Variants in CAPN6 observed in about 807,000 individuals in gnomAD.
CAPN6 encodes calpain 6, also known as calpain-6.
In CAPN6, 16 loss-of-function variants were observed where a neutral mutation model predicts 46.0. That is an observed-to-expected ratio of 0.35 (90% CI 0.24 to 0.53). The LOEUF (loss-of-function observed/expected upper bound fraction) is 0.53. Ranked by LOEUF, CAPN6 falls within the 20% of genes least tolerant of loss-of-function variation. CAPN6 has a pLI of 0.94. For missense variants in CAPN6, 461 were observed against 498.0 expected (o/e 0.93, Z 0.71); for synonymous variants, 206 against 172.8 (o/e 1.19, Z -1.51).
In CAPN6 at chrX:111,248,597, T is replaced by C. The variant is rs1436181484; in HGVS notation, c.1456A>G (p.Ile486Val). ...AGCTGGACAGGCACTTCAGAGAAGA[T>C]TCTCAGGAGAAACTCGCTGGTGCGA... ...HGRTSEFLLR[I>V]FSEVPVQLRE... Residue 486 changes from isoleucine to valine, a missense_variant, in exon 10 of 13, where the codon ATC (isoleucine) becomes GTC (valine). By Grantham distance (29) the Ile-to-Val change is conservative (BLOSUM62 3). Transcript: ENST00000324068. 8.3e-7 allele frequency: 1 copy of C among 1,209,320 alleles called. No individual in the cohort carries two copies. The highest frequency in any genetic ancestry group is 2.2e-5 in the Admixed American group (1 of 46,012).
At chrX:111,249,181 T>A in intron 8 of CAPN6, 124 bp from the exon 9 acceptor site, 1 of 728,996 alleles carries the variant, frequency 1.4e-6, no homozygotes, top group Non-Finnish European at 2.0e-6. Context: ...TGGGCTTTCA[T>A]ATTTATCAGA....
chrX:111,254,182 T>C, intron 3 of CAPN6, 90 bp downstream of exon 3: 1 of 1,020,295 alleles, frequency 9.8e-7, no homozygotes, highest in Non-Finnish European at 1.3e-6. Context: ...TACAACAATC[T>C]AAGGAAGTTA....
Position 111,264,707 on chromosome X carries a change from TA to T in CAPN6, c.-15-757del, listed in dbSNP as rs68122134. ...CAATACACTCTTGCTTTCTTTTCTT[TA>T]AAAAAAAAAAAAGGAGGAAAAACAA... On this transcript the variant is annotated intron_variant, in intron 1 of 12. Transcript: ENST00000324068. Among the ~76,000 whole-genome samples, 439 of 99,535 alleles carry T rather than the reference TA, an allele frequency of 4.4e-3. 5 individuals are homozygous for T. The East Asian group carries it at 0.064, about 15-fold the overall frequency. The allele number at this position is 99,535 out of a possible 115,157, so 86.4% of individuals were successfully genotyped here. A position where few individuals can be genotyped will look rare whatever the true frequency, so the allele number is the denominator to read the frequency against.
chrX:111,247,081 G>C (rs1417778792), intron 12 of CAPN6, among the ~76,000 whole-genome samples: 1 of 111,401 alleles, frequency 9.0e-6, no homozygotes, highest in African/African-American at 3.3e-5. Flanking sequence ...CTCTGAACTG[G>C]CATAAGCTTT....
intron 2 of CAPN6, among the ~76,000 whole-genome samples, chrX:111,259,477 T>C (rs1253878300): frequency 8.9e-6 from 1 of 112,273 alleles, no homozygotes; most frequent in African/African-American, 3.2e-5. Flanking sequence ...TTCCCTCATA[T>C]GCTGTCACCC....
intron 2 of CAPN6, among the ~76,000 whole-genome samples, chrX:111,255,358 C>T (rs993586069): frequency 8.0e-5 from 9 of 112,130 alleles, no homozygotes; most frequent in African/African-American, 2.9e-4. Context: ...GGTGGCATAA[C>T]AGGTAGAGAG....
rs766275045 is a variant in CAPN6, at chrX:111,263,938, G to A, written c.-2C>T. On this transcript the variant is annotated 5_prime_UTR_variant, in exon 2 of 13. Coordinates refer to ENST00000324068, the MANE Select transcript of CAPN6 (RefSeq NM_014289.4). ...GAAGAGCTTCAGAGGAGGACCCATA[G>A]TGTTGAACTATGCCTAGAATGAGGA... is the stretch of plus-strand genomic sequence containing the variant. The A allele has an allele frequency of 8.5e-7, 1 of 1,172,602 alleles. No homozygotes were observed. The highest frequency in any genetic ancestry group is 1.1e-6 in the Non-Finnish European group (1 of 877,469).
At chrX:111,267,238 T>C (rs1456932457) in intron 1 of CAPN6, among the ~76,000 whole-genome samples, 3 of 111,498 alleles carry the variant, frequency 2.7e-5, no homozygotes, top group African/African-American at 9.8e-5. Context: ...ACAAAGGCAA[T>C]GTGGACATTT....
chrX:111,249,493 C>G (rs1156370769), intron 8 of CAPN6, among the ~76,000 whole-genome samples: 1 of 111,002 alleles, frequency 9.0e-6, no homozygotes, highest in Non-Finnish European at 1.9e-5. Flanking sequence ...CCTCCTTTTG[C>G]CAGCCAGACA....
rs1224351444 is a variant in CAPN6 at position 111,263,760 on chromosome X, A to T, written c.165+12T>A. The T allele has an allele frequency of 8.4e-7, 1 of 1,195,564 alleles. No homozygotes were observed. Among genetic ancestry groups the T allele is most frequent in the South Asian group, 1.9e-5 (1 of 54,034 alleles). Reference sequence around the variant, plus strand: ...AGGTCAAGGAGACAGAATGTGTAAAATAGAAAGTTACCTGGGGACGTTTCC... The same window carrying T: ...AGGTCAAGGAGACAGAATGTGTAAATTAGAAAGTTACCTGGGGACGTTTCC... On this transcript the variant is annotated intron_variant, in intron 2 of 12. Transcript: ENST00000324068.
chrX:111,252,496 C>T lies in CAPN6; in HGVS notation c.510G>A (p.Leu170=), dbSNP rs761943657. 8.4e-7 allele frequency: 1 copy of T among 1,196,268 alleles called. No individual in the cohort carries two copies. Among genetic ancestry groups the T allele is most frequent in the Non-Finnish European group, 1.1e-6 (1 of 887,606 alleles). Reference sequence around the variant, plus strand: ...CATCCAGGGCCTCATAACAGCCTAGCAGCCTGAGGGCAAGTATGCAAGGTT... The same window carrying T: ...CATCCAGGGCCTCATAACAGCCTAGTAGCCTGAGGGCAAGTATGCAAGGTT... ...NALLEKAYAK[L]LGCYEALDGL... is the part of the protein sequence containing the mutation. The change falls in exon 5 of 13, where the codon CTG becomes CTA. Residue 170 remains leucine (L), a synonymous_variant. Coordinates refer to ENST00000324068, the MANE Select transcript of CAPN6 (RefSeq NM_014289.4).
Position 111,250,919 on chromosome X carries a change from G to A in CAPN6, c.1156C>T (p.Gln386Ter). Reference sequence around the variant, plus strand: ...CAAATAAAGTAATTGACTCAAACCTGGGGATTCTGCAGGAAGGTATCACGG... The same window carrying A: ...CAAATAAAGTAATTGACTCAAACCTAGGGATTCTGCAGGAAGGTATCACGG... ...NNRDTFLQNP[Q>*]YIFTVPEDGH... Residue 386 changes from glutamine to a stop codon, truncating the protein, a stop_gained and splice_region_variant, in exon 8 of 13, where the codon CAG becomes TAG. Transcript: ENST00000324068. LOFTEE classifies it high-confidence loss of function. The A allele has an allele frequency of 8.3e-7, 1 of 1,207,722 alleles. No homozygotes were observed. Among genetic ancestry groups the A allele is most frequent in the South Asian group, 1.8e-5 (1 of 56,528 alleles).
rs367900378 is a variant in CAPN6 at position 111,251,280 on chromosome X, T to C, written c.900A>G (p.Glu300=). The change falls in exon 7 of 13, where the codon GAA becomes GAG. Residue 300 remains glutamate, a synonymous_variant. Transcript: ENST00000324068. Reference sequence around the variant, plus strand: ...CTGATGCAGTCAGTTGCTGCCACTCTTCAGAACTGAAAGTAAATAGAAAAA... The same window carrying C: ...CTGATGCAGTCAGTTGCTGCCACTCCTCAGAACTGAAAGTAAATAGAAAAA... ...EWSGPWSEIS[E]EWQQLTASDR... is the part of the protein sequence containing the mutation. 4 of 1,194,616 alleles carry C rather than the reference T, an allele frequency of 3.3e-6. No homozygotes were observed. In the African/African-American group the frequency reaches 7.5e-5, roughly 22 times the overall value.
At chrX:111,267,510 G>T (rs1373428697) in intron 1 of CAPN6, among the ~76,000 whole-genome samples, 1 of 111,443 alleles carries the variant, frequency 9.0e-6, no homozygotes, top group Non-Finnish European at 1.9e-5. Flanking sequence ...AAAGAGAGAG[G>T]TATTTTTTTT....
chrX:111,248,724 C>T lies in CAPN6; in HGVS notation c.1329G>A (p.Glu443=). The stretch of plus-strand genomic sequence containing the variant: ...CAATATAGGTGGAAGTCCCAGCACG[C>T]TCCTGGATGTAGAGGTGGTGGAGGC... The part of the protein sequence containing the change: ...KFRLHHLYIQ[E]RAGTSTYIDT... The change falls in exon 10 of 13, where the codon GAG becomes GAA. Residue 443 remains glutamate, a synonymous_variant. Transcript: ENST00000324068. 1.7e-6 allele frequency: 2 copies of T among 1,211,584 alleles called. No homozygotes were observed. Among genetic ancestry groups the T allele is most frequent in the Non-Finnish European group, 2.2e-6 (2 of 895,441 alleles).
chrX:111,257,240 C>T (rs754734329), intron 2 of CAPN6, among the ~76,000 whole-genome samples: 4 of 111,743 alleles, frequency 3.6e-5, no homozygotes, highest in Non-Finnish European at 7.5e-5. Context: ...GACAGAGATG[C>T]TACTACCTCT....
rs1458765031 is a variant in CAPN6 at position 111,246,352 on chromosome X, A to C, written c.*225T>G. 2.4e-6 allele frequency: 1 copy of C among 408,766 alleles called. No individual in the cohort carries two copies. The highest frequency in any genetic ancestry group is 4.2e-6 in the Non-Finnish European group (1 of 236,087). The allele number at this position is 408,766 out of a possible 1,213,427, so 33.7% of individuals were successfully genotyped here. A position where few individuals can be genotyped will look rare whatever the true frequency, so the allele number is the denominator to read the frequency against. Reference sequence around the variant, plus strand: ...TTCTTGGCAAATGTGTATGATGTCTAGATAGGACTGTCGCCTCCCCATGTC... The same window carrying C: ...TTCTTGGCAAATGTGTATGATGTCTCGATAGGACTGTCGCCTCCCCATGTC... On this transcript the variant is annotated 3_prime_UTR_variant, in exon 13 of 13. Coordinates refer to ENST00000324068, the MANE Select transcript of CAPN6 (RefSeq NM_014289.4).
Position 111,270,412 on chromosome X carries a change from T to C in CAPN6, c.-57A>G, listed in dbSNP as rs1603409560. 1 of 352,799 alleles carries C rather than the reference T, an allele frequency of 2.8e-6. No individual in the cohort carries two copies. The allele number at this position is 352,799 out of a possible 1,213,427, so 29.1% of individuals were successfully genotyped here. On this transcript the variant is annotated 5_prime_UTR_variant, in exon 1 of 13. Transcript: ENST00000324068. ...GCCCTGCTGCTGCTGCTGCTGCTGC[T>C]GCTGCTGCTGCTGCCGTTGCCGCTG...
rs1412087132 is a variant in CAPN6, at chrX:111,245,848, T to A, written c.*729A>T. On this transcript the variant is annotated 3_prime_UTR_variant, in exon 13 of 13. Coordinates refer to ENST00000324068, the MANE Select transcript of CAPN6 (RefSeq NM_014289.4). ...TGCAGCTTCTTCCACTTTTCCGTCT[T>A]GTGGCACACAGCAGGCTTCCATTGA... The A allele has an allele frequency of 3.5e-5, 4 of 113,195 alleles. No individual in the cohort carries two copies. The highest frequency in any genetic ancestry group is 7.5e-5 in the Non-Finnish European group (4 of 53,554). 9.3% of individuals were successfully genotyped at this position (113,195 alleles called of 1,213,427 possible).
Sources: allele counts gnomAD v4.1 joint callset (sites outside exome capture counted in the v4.1 genomes callset), GRCh38; gene constraint gnomAD v4.1.1; transcripts MANE v1.5; gene names NCBI Gene and HGNC (gene_info 2026-07-23, HGNC 2026-07-21).